TNS1: variants seen among roughly 807,000 people sequenced by gnomAD.
TNS1 encodes the protein tensin 1, also known as tensin-1.
A neutral mutation model predicts 168.6 loss-of-function variants in TNS1; 62 were observed. The observed-to-expected ratio is 0.37, with a 90% CI of 0.30 to 0.45. The LOEUF (loss-of-function observed/expected upper bound fraction) is 0.45. Ranked by LOEUF, TNS1 falls within the 20% of genes least tolerant of loss-of-function variation. The probability of loss-of-function intolerance (pLI) is 1.00; values close to 1 mark genes in which losing one functional copy is unlikely to be tolerated. For synonymous variants in TNS1, 934 were observed against 933.2 expected (o/e 1.00, Z -0.02); for missense variants, 2,240 against 2,339.4 (o/e 0.96, Z 0.88).
intron 14 of TNS1, 62 bp from the exon 15 acceptor site, chr2:217,885,881 T>C (rs892597788): frequency 6.0e-5 from 94 of 1,566,868 alleles, no homozygotes; most frequent in Non-Finnish European, 8.2e-5. Flanking sequence ...GGGAGGGGCA[T>C]TTTCTCCCTG....
chr2:217,874,507 G>C (rs531411462), intron 18 of TNS1, among the ~76,000 whole-genome samples: 2 of 152,306 alleles, frequency 1.3e-5, no homozygotes, highest in Admixed American at 1.3e-4. Flanking sequence ...CCAGAGAGGG[G>C]AAGTAATTTT....
At chr2:218,010,232 C>T in exon 1 of TNS1, 2 of 398,766 alleles carry the variant, frequency 5.0e-6, no homozygotes, top group Non-Finnish European at 8.8e-6. Context: ...GCGCGAGGGT[C>T]GGAAGAGGTG....
intron 3 of TNS1, among the ~76,000 whole-genome samples, chr2:217,956,236 A>G (rs1028357765): frequency 6.6e-6 from 1 of 152,064 alleles, no homozygotes; most frequent in South Asian, 2.1e-4. Context: ...CTCCTGGGCT[A>G]AAGGGATCCT....
chr2:217,945,016 G>A (rs530778892), intron 3 of TNS1, among the ~76,000 whole-genome samples: 11 of 152,268 alleles, frequency 7.2e-5, no homozygotes, highest in South Asian at 6.2e-4. Context: ...CTAATCACCC[G>A]GTTATTATAG....
chr2:218,020,162 A>T (rs1958795239), intron 1 of TNS1, among the ~76,000 whole-genome samples: 1 of 152,154 alleles, frequency 6.6e-6, no homozygotes, highest in Non-Finnish European at 1.5e-5. Context: ...GAGCAATGAG[A>T]GCGAGCAGAT....
intron 1 of TNS1, among the ~76,000 whole-genome samples, chr2:218,008,093 G>A (rs2105995449): frequency 6.6e-6 from 1 of 152,264 alleles, no homozygotes; most frequent in East Asian, 1.9e-4. Flanking sequence ...ATCCCCAGCT[G>A]ACACGAGAAG....
rs1243891505 is a variant in TNS1 at position 217,995,950 on chromosome 2, T to G, written c.34-4894A>C. On this transcript the variant is annotated intron_variant, in intron 1 of 32. Transcript: ENST00000682258. The surrounding 1 kb of genome is among the most constrained non-coding windows in gnomAD (Gnocchi z 4.1). ...GCTTCCTCTCCCTTCCCTCCTTCCA[T>G]GCAGCCCAGCTTTCCTGCCCGGGCC... is the stretch of plus-strand genomic sequence containing the variant. Among the ~76,000 whole-genome samples the G allele has an allele frequency of 6.6e-6, 1 of 152,166 alleles. No individual in the cohort carries two copies. The highest frequency in any genetic ancestry group is 1.9e-4 in the East Asian group (1 of 5,190).
chr2:217,831,666 C>T, intron 21 of TNS1, 119 bp from the exon 22 acceptor site: 1 of 709,326 alleles, frequency 1.4e-6, no homozygotes. Context: ...TGCCGAGGAA[C>T]CACCCTGAGG....
intron 1 of TNS1, among the ~76,000 whole-genome samples, chr2:218,025,374 G>C (rs116671361): frequency 0.011 from 1,687 of 152,088 alleles, 14 homozygotes; most frequent in South Asian, 0.036. Flanking sequence ...TCAGCCTCCC[G>C]AGTTGTTGGT....
chr2:217,979,528 GACACAC>G (rs35499293), intron 2 of TNS1, among the ~76,000 whole-genome samples: 1 of 146,696 alleles, frequency 6.8e-6, no homozygotes, highest in African/African-American at 2.6e-5. Context: ...GAAACACACA[GACACAC>G]ACACACACAC....
At chr2:218,005,624 C>T (rs1026933428), upstream of TNS1, among the ~76,000 whole-genome samples, 1 of 152,232 alleles carries the variant, frequency 6.6e-6, no homozygotes, top group African/African-American at 2.4e-5. Flanking sequence ...CCACCCCAAC[C>T]CACACACGGG....
chr2:217,842,035 A>G, intron 19 of TNS1: 1 of 702,354 alleles, frequency 1.4e-6, no homozygotes. Context: ...TGGCCCCCAG[A>G]GTTCAAGCTA....
chr2:217,964,565 G>T (rs1248086538), intron 3 of TNS1, among the ~76,000 whole-genome samples: 1 of 152,206 alleles, frequency 6.6e-6, no homozygotes, highest in Non-Finnish European at 1.5e-5. Context: ...GTTGCTGTGA[G>T]GATTAGATTA....
intron 6 of TNS1, chr2:217,905,251 C>G: frequency 6.6e-6 from 2 of 302,428 alleles, no homozygotes; most frequent in South Asian, 5.2e-5. Flanking sequence ...GACAAGGGCC[C>G]CTCCCCAGTA....
At chr2:217,882,560 G>C (rs1330895728) in intron 16 of TNS1, 149 bp from the exon 17 acceptor site, 2 of 524,960 alleles carry the variant, frequency 3.8e-6, no homozygotes, top group African/African-American at 3.9e-5. Flanking sequence ...ATATATACAT[G>C]AAATTATATC....
At chr2:217,860,545 A>C (rs976945396) in intron 18 of TNS1, among the ~76,000 whole-genome samples, 1 of 152,184 alleles carries the variant, frequency 6.6e-6, no homozygotes, top group Non-Finnish European at 1.5e-5. Flanking sequence ...GAAAGGTTTA[A>C]GGCACCCCAG....
At chr2:217,805,552 ACCACACACAC>A in intron 32 of TNS1, among the ~76,000 whole-genome samples, 1 of 57,396 alleles carries the variant, frequency 1.7e-5, no homozygotes, top group Admixed American at 1.7e-4. Flanking sequence ...ACCACCACAC[ACCACACACAC>A]CACCACACAC....
chr2:218,029,147 C>A (rs1269536697), intron 1 of TNS1, among the ~76,000 whole-genome samples: 1 of 152,348 alleles, frequency 6.6e-6, no homozygotes, highest in Admixed American at 6.5e-5. Context: ...GAGAGGTGAT[C>A]GGTGGACCCC....
intron 4 of TNS1, among the ~76,000 whole-genome samples, chr2:217,910,391 A>G (rs536045156): frequency 6.6e-6 from 1 of 152,242 alleles, no homozygotes; most frequent in East Asian, 1.9e-4. Flanking sequence ...AAACACAGCC[A>G]GCATGCATGC....
Sources: gnomAD v4.1 joint callset for allele counts (sites outside exome capture counted in the v4.1 genomes callset) on GRCh38, gnomAD v4.1.1 for gene constraint, Gnocchi (gnomAD v3.1) non-coding constraint, MANE v1.5 for transcripts, NCBI Gene and HGNC (gene_info 2026-07-23, HGNC 2026-07-21) for gene names.